GSTZ1: variants seen among roughly 807,000 people sequenced by gnomAD.
GSTZ1 encodes glutathione S-transferase zeta 1.
Under a neutral mutation model 35.9 loss-of-function variants are expected in GSTZ1, and 34 were observed. That is an observed-to-expected ratio of 0.95 (90% CI 0.72 to 1.26). The LOEUF is 1.26. Among genes scored for constraint, GSTZ1 ranks in the 50% most tolerant of loss-of-function variants. GSTZ1 has a pLI of 0.00. For synonymous variants in GSTZ1, 93 were observed against 101.2 expected, an observed-to-expected ratio of 0.92 and a Z score of 0.49; for missense variants, 263 against 271.7, an observed-to-expected ratio of 0.97 and a Z score of 0.23.
chr14:77,326,822 G>T lies in GSTZ1; in HGVS notation c.68-16G>T. 4 of 1,588,524 alleles carry T rather than the reference G, an allele frequency of 2.5e-6. 1 individual carries two copies. In the South Asian group the frequency reaches 4.5e-5, roughly 18 times the overall value. On this transcript the variant is annotated splice_polypyrimidine_tract_variant and intron_variant, in intron 2 of 8. Transcript: ENST00000216465. ...AGAGGCTGTTCTTTGACTCCGCTAT[G>T]TGCGGTCTCTCCTAGCTCTGGCCTT...
Position 77,326,517 on chromosome 14 carries a change from C to A in GSTZ1, c.68-321C>A, listed in dbSNP as rs551437533. On this transcript the variant is annotated intron_variant, in intron 2 of 8. Transcript: ENST00000216465. Reference sequence around the variant, plus strand: ...TTAAACACAACACAGCCTTGCTGAACTCCAGGAGCCCACAGAGTGCCAGGG... The same window carrying A: ...TTAAACACAACACAGCCTTGCTGAAATCCAGGAGCCCACAGAGTGCCAGGG... 1.5e-5 allele frequency: 4 copies of A among 266,538 alleles called. No individual in the cohort carries two copies. In the East Asian group the frequency reaches 2.8e-4, roughly 18 times the overall value. The allele number at this position is 266,538 out of a possible 1,614,324, so 16.5% of individuals were successfully genotyped here. A position where few individuals can be genotyped will look rare whatever the true frequency, so the allele number is the denominator to read the frequency against.
At chr14:77,325,640 C>T (rs1398757819) in intron 2 of GSTZ1, 1 of 152,196 alleles carries the variant, frequency 6.6e-6, no homozygotes, top group East Asian at 1.9e-4. Context: ...TCCAGAGGCC[C>T]ATTAAGTTAC....
chr14:77,327,465 T>C lies in GSTZ1; in HGVS notation c.136-7T>C. On this transcript the variant is annotated splice_region_variant and splice_polypyrimidine_tract_variant and intron_variant, in intron 3 of 8. Transcript: ENST00000216465. ...CCACCCAGCCCACCAGGGCCTTGTC[T>C]CCACAGTTTTCTAAGGACTTCCAGG... 1 of 1,597,662 alleles carries C rather than the reference T, an allele frequency of 6.3e-7. No individual in the cohort carries two copies. The highest frequency in any genetic ancestry group is 8.6e-7 in the Non-Finnish European group (1 of 1,169,078).
Position 77,324,871 on chromosome 14 carries a change from C to T in GSTZ1, c.17C>T (p.Pro6Leu), listed in dbSNP as rs939750689. The T allele has an allele frequency of 6.2e-7, 1 of 1,613,848 alleles. No individual in the cohort carries two copies. The highest frequency in any genetic ancestry group is 1.3e-5 in the African/African-American group (1 of 74,934). The change falls in exon 2 of 9, where the codon CCC becomes CTC. Residue 6 changes from proline to leucine, a missense_variant and splice_region_variant. Physicochemically the swap from Pro to Leu is moderately conservative, Grantham distance 98. Transcript: ENST00000216465. MQAGKPILYSYFRSSC... is the reference protein window; with the variant it reads MQAGKLILYSYFRSSC... ...CGCCTTCATCCTCTCTCTCCTCAGC[C>T]CATCCTCTATTCCTATTTCCGAAGC...
chr14:77,326,942 G>A lies in GSTZ1; in HGVS notation c.135+37G>A, dbSNP rs367967968. The A allele has an allele frequency of 6.9e-6, 10 of 1,448,866 alleles. No individual in the cohort carries two copies. The African/African-American group carries it at 8.3e-5, about 12-fold the overall frequency. 89.8% of individuals were successfully genotyped at this position (1,448,866 alleles called of 1,614,324 possible). On this transcript the variant is annotated intron_variant, in intron 3 of 8. Coordinates refer to ENST00000216465, the MANE Select transcript of GSTZ1 (RefSeq NM_145870.3). Reference sequence around the variant, plus strand: ...GTGCCCAGACCACAATGTGGGAATTGGAGGCCTTGAACAGGCACCAGGCAG... The same window carrying A: ...GTGCCCAGACCACAATGTGGGAATTAGAGGCCTTGAACAGGCACCAGGCAG...
intron 7 of GSTZ1, 34 bp from the exon 8 acceptor site, chr14:77,330,276 C>T (rs1436854667): frequency 1.3e-6 from 2 of 1,535,762 alleles, no homozygotes; most frequent in Admixed American, 1.7e-5. Context: ...CTGGGGTATG[C>T]ACCCTGATGG....
chr14:77,321,271 C>T, intron 1 of GSTZ1, 88 bp downstream of exon 1: 1 of 1,523,962 alleles, frequency 6.6e-7, no homozygotes, highest in South Asian at 1.2e-5. Context: ...GCACCGCCCG[C>T]CCAGGCCGAC....
intron 1 of GSTZ1, chr14:77,324,382 A>C (rs1023989803): frequency 5.1e-6 from 3 of 584,376 alleles, no homozygotes; most frequent in Non-Finnish European, 9.3e-6. Context: ...CCTCACCTCA[A>C]ATGATCCACC....
At position 77,324,768 on chromosome 14, in the gene GSTZ1, G is replaced by A. The variant is rs893858837; in HGVS notation, c.16-102G>A. 19 of 1,251,534 alleles carry A rather than the reference G, an allele frequency of 1.5e-5. No homozygotes were observed. In the Admixed American group the frequency reaches 1.9e-4, roughly 13 times the overall value. The allele number at this position is 1,251,534 out of a possible 1,614,324, so 77.5% of individuals were successfully genotyped here. A position where few individuals can be genotyped will look rare whatever the true frequency, so the allele number is the denominator to read the frequency against. ...CCCTGATTTGCACAGATGCAGGCCT[G>A]AGAGAGGAGGCCTGGCAGGACAGGA... On this transcript the variant is annotated intron_variant, in intron 1 of 8. Coordinates refer to ENST00000216465, the MANE Select transcript of GSTZ1 (RefSeq NM_145870.3).
intron 1 of GSTZ1, 187 bp downstream of exon 1, chr14:77,321,370 G>T (rs759424598): frequency 2.6e-6 from 4 of 1,530,592 alleles, no homozygotes; most frequent in Non-Finnish European, 3.5e-6. Context: ...GTTCCGGGAG[G>T]GTTGGGCCAG....
chr14:77,321,453 C>T (rs750116240), intron 1 of GSTZ1: 17 of 1,515,854 alleles, frequency 1.1e-5, no homozygotes, highest in African/African-American at 8.3e-5. Context: ...TCTGCTCCGC[C>T]CTCCCTGCTC....
In GSTZ1 at chr14:77,331,050, A is replaced by T; in HGVS notation, c.525-19A>T. On this transcript the variant is annotated intron_variant, in intron 8 of 8. Coordinates refer to ENST00000216465, the MANE Select transcript of GSTZ1 (RefSeq NM_145870.3). ...GTGTCCCTGAAAACCTTAGCTTAGCAGGTGTTTCTCTACTACAGATTCAAG... is the reference window on the plus strand; with the variant it reads ...GTGTCCCTGAAAACCTTAGCTTAGCTGGTGTTTCTCTACTACAGATTCAAG... The T allele has an allele frequency of 6.2e-7, 1 of 1,610,840 alleles. No homozygotes were observed. The highest frequency in any genetic ancestry group is 8.5e-7 in the Non-Finnish European group (1 of 1,177,560).
Position 77,329,794 on chromosome 14 carries a change from G to A in GSTZ1, c.461G>A (p.Cys154Tyr). ...CTACAGAGCACAGCGGGCATATACT[G>A]TGTAGGAGACGAGGTAAGCTGTCCC... ...QILQSTAGIYCVGDEVTMADL... is the reference protein window; with the variant it reads ...QILQSTAGIYYVGDEVTMADL... Residue 154 changes from cysteine (C) to tyrosine (Y), a missense_variant, in exon 7 of 9, where the codon TGT (cysteine) becomes TAT (tyrosine). Coordinates refer to ENST00000216465, the MANE Select transcript of GSTZ1 (RefSeq NM_145870.3). The A allele has an allele frequency of 1.2e-6, 2 of 1,613,606 alleles. No individual in the cohort carries two copies. The highest frequency in any genetic ancestry group is 1.7e-6 in the Non-Finnish European group (2 of 1,179,528).
chr14:77,324,799 T>C (rs2139568470), intron 1 of GSTZ1, 71 bp from the exon 2 acceptor site: 1 of 1,450,314 alleles, frequency 6.9e-7, no homozygotes, highest in Non-Finnish European at 9.7e-7. Context: ...CAGGAAGAAA[T>C]GGTTGACTCC....
chr14:77,330,234 C>T (rs528287968), intron 7 of GSTZ1, 76 bp from the exon 8 acceptor site: 22 of 980,870 alleles, frequency 2.2e-5, no homozygotes, highest in South Asian at 1.8e-4. Context: ...CCAGTAGAGT[C>T]GCAGTGGACA....
intron 3 of GSTZ1, 23 bp downstream of exon 3, chr14:77,326,928 A>G (rs1351111452): frequency 2.6e-6 from 4 of 1,545,786 alleles, no homozygotes; most frequent in South Asian, 1.1e-5. Context: ...TGCCCAGACC[A>G]CAATGTGGGA....
At chr14:77,327,676 C>A in intron 4 of GSTZ1, 124 bp downstream of exon 4, 1 of 776,422 alleles carries the variant, frequency 1.3e-6, no homozygotes, top group Non-Finnish European at 2.2e-6. Context: ...CAATACAAGA[C>A]TCGTGGGGAG....
intron 3 of GSTZ1, chr14:77,327,130 C>T (rs1214496015): frequency 8.4e-6 from 5 of 593,732 alleles, no homozygotes; most frequent in South Asian, 4.1e-5. Context: ...AGCCTGGGCT[C>T]TCCAGTGCCT....
intron 5 of GSTZ1, 183 bp from the exon 6 acceptor site, chr14:77,328,940 A>G: frequency 5.0e-6 from 3 of 600,594 alleles, no homozygotes; most frequent in Non-Finnish European, 8.9e-6. Context: ...GGCTGCTGGG[A>G]TGGCTACCTC....
Sources: gnomAD v4.1 joint callset for allele counts on GRCh38, gnomAD v4.1.1 for gene constraint, MANE v1.5 for transcripts, NCBI Gene and HGNC (gene_info 2026-07-23, HGNC 2026-07-21) for gene names.